Variants in LMTK3 observed in about 807,000 individuals in gnomAD.
The protein encoded by LMTK3 is serine/threonine-protein kinase LMTK3.
LMTK3 carries 27 observed loss-of-function variants against 116.7 expected under a neutral mutation model. That is an observed-to-expected ratio of 0.23 (90% confidence interval 0.17 to 0.32). The LOEUF (loss-of-function observed/expected upper bound fraction) is 0.32. Among genes scored for constraint, LMTK3 ranks in the 10% least tolerant of loss-of-function variants. The probability of loss-of-function intolerance (pLI) is 1.00; values close to 1 mark genes in which losing one functional copy is unlikely to be tolerated. For missense variants in LMTK3, 1,764 were observed against 2,068.5 expected (o/e 0.85, Z 2.86); for synonymous variants, 965 against 971.0 (o/e 0.99, Z 0.11).
chr19:48,513,206 C>T (rs1222467173), upstream of LMTK3: 1 of 1,563,252 alleles, frequency 6.4e-7, no homozygotes. This position sits in a 1 kb window ranked among gnomAD's most constrained non-coding sequence, Gnocchi z 5.6. Context: ...GATACATGAT[C>T]ATAGTTTATT....
At chr19:48,507,966 C>A (rs1972597458) in intron 5 of LMTK3, among the ~76,000 whole-genome samples, 1 of 152,126 alleles carries the variant, frequency 6.6e-6, no homozygotes, top group South Asian at 2.1e-4. Flanking sequence ...GGGAAGATGT[C>A]TCTGAGCTGA....
intron 14 of LMTK3, among the ~76,000 whole-genome samples, chr19:48,486,261 G>A (rs7256813): frequency 0.74 from 109,384 of 148,742 alleles, 41,962 homozygotes; most frequent in Non-Finnish European, 0.85. Context: ...GGGTTTCACC[G>A]TTTTAGCCGG....
chr19:48,501,897 C>T (rs1972474443), intron 7 of LMTK3, among the ~76,000 whole-genome samples: 1 of 149,518 alleles, frequency 6.7e-6, no homozygotes, highest in African/African-American at 2.5e-5. Flanking sequence ...CTGCTTCCCC[C>T]TCACCTGGCT....
Position 48,491,453 on chromosome 19 carries a change from G to A in LMTK3, c.4179C>T (p.Pro1393=). The A allele has an allele frequency of 1.4e-6, 2 of 1,425,892 alleles. No individual in the cohort carries two copies. The highest frequency in any genetic ancestry group is 1.8e-6 in the Non-Finnish European group (2 of 1,089,252). The allele number at this position is 1,425,892 out of a possible 1,614,324, so 88.3% of individuals were successfully genotyped here. Residue 1393 remains proline, a synonymous_variant, in exon 13 of 15, where the codon CCC becomes CCT. Coordinates refer to ENST00000600059, the MANE Select transcript of LMTK3 (RefSeq NM_001388485.1). This position sits in a 1 kb window ranked among gnomAD's most constrained non-coding sequence, Gnocchi z 5.1. ...PSTPPAPPTP[P]HPATPGDGFP... is the part of the protein sequence containing the mutation. ...ACCCATCTCCGGGGGTGGCGGGGTG[G>A]GGAGGTGTCGGGGGCGCTGGAGGCG...
At position 48,500,897 on chromosome 19, in the gene LMTK3, G is replaced by T; in HGVS notation, c.1151+99C>A. On this transcript the variant is annotated intron_variant, in intron 10 of 14. Transcript: ENST00000600059. The surrounding 1 kb of genome is among the most constrained non-coding windows in gnomAD (Gnocchi z 4.0). ...TCTTCACTCTTGAGGGGTATGGAGG[G>T]CAAACGGGATGTGGGTGATGTGGGA... The T allele has an allele frequency of 4.0e-6, 5 of 1,246,676 alleles. No individual in the cohort carries two copies. Among genetic ancestry groups the T allele is most frequent in the Non-Finnish European group, 5.4e-6 (5 of 923,542 alleles). The allele number at this position is 1,246,676 out of a possible 1,614,324, so 77.2% of individuals were successfully genotyped here. A position where few individuals can be genotyped will look rare whatever the true frequency, so the allele number is the denominator to read the frequency against.
At chr19:48,509,087 A>G (rs1237457471) in intron 4 of LMTK3, 118 bp from the exon 5 acceptor site, 15 of 662,462 alleles carry the variant, frequency 2.3e-5, no homozygotes, top group Non-Finnish European at 3.4e-5. Context: ...TTCTCCCTCC[A>G]CATCCCACCA....
rs1037547549 is a variant in LMTK3 at position 48,485,372 on chromosome 19, G to A, written c.*401C>T. The A allele has an allele frequency of 1.1e-5, 2 of 183,810 alleles. No homozygotes were observed. Among genetic ancestry groups the A allele is most frequent in the African/African-American group, 4.7e-5 (2 of 42,498 alleles). The allele number at this position is 183,810 out of a possible 1,614,324, so 11.4% of individuals were successfully genotyped here. On this transcript the variant is annotated 3_prime_UTR_variant, in exon 15 of 15. Coordinates refer to ENST00000600059, the MANE Select transcript of LMTK3 (RefSeq NM_001388485.1). ...CAGGGGCCGGGCTGGGGAGGGAAAGGGGAGACGCGAAATGGGGGGTCCGGG... is the reference window on the plus strand; with the variant it reads ...CAGGGGCCGGGCTGGGGAGGGAAAGAGGAGACGCGAAATGGGGGGTCCGGG...
chr19:48,511,301 C>T (rs1258870649), intron 1 of LMTK3, among the ~76,000 whole-genome samples, 200 bp downstream of exon 1: 1 of 152,210 alleles, frequency 6.6e-6, no homozygotes, highest in Non-Finnish European at 1.5e-5. Context: ...AAACGGAGCC[C>T]CCTCCCCACC....
intron 14 of LMTK3, among the ~76,000 whole-genome samples, chr19:48,490,271 C>A (rs113164678): frequency 6.8e-4 from 104 of 152,198 alleles, no homozygotes; most frequent in Non-Finnish European, 8.4e-4. Flanking sequence ...CGCCTGTAAT[C>A]CCAGCACTTT....
chr19:48,497,792 G>A lies in LMTK3; in HGVS notation c.3277C>T (p.Pro1093Ser). The A allele has an allele frequency of 7.3e-7, 1 of 1,375,418 alleles. No homozygotes were observed. The highest frequency in any genetic ancestry group is 2.9e-5 in the East Asian group (1 of 34,840). The allele number at this position is 1,375,418 out of a possible 1,614,324, so 85.2% of individuals were successfully genotyped here. A position where few individuals can be genotyped will look rare whatever the true frequency, so the allele number is the denominator to read the frequency against. Residue 1093 changes from proline (P) to serine (S), a missense_variant, in exon 11 of 15, where the codon CCC becomes TCC. By Grantham distance (74) the Pro-to-Ser change is moderately conservative. Coordinates refer to ENST00000600059, the MANE Select transcript of LMTK3 (RefSeq NM_001388485.1). This position sits in a 1 kb window ranked among gnomAD's most constrained non-coding sequence, Gnocchi z 5.7. ...GCTCTCGGCGCCCCCCCAGTCTCGG[G>A]GGCTCTCCTCTCGGTCCCGGGTTCC... ...TLEPGTERRA[P>S]ETGGAPRAPG...
In LMTK3 at chr19:48,491,438, G is replaced by A. The variant is rs1972222529; in HGVS notation, c.4194C>T (p.Pro1398=). Residue 1398 remains proline (P), a synonymous_variant, in exon 13 of 15, where the codon CCC becomes CCT. Coordinates refer to ENST00000600059, the MANE Select transcript of LMTK3 (RefSeq NM_001388485.1). The surrounding 1 kb of genome is among the most constrained non-coding windows in gnomAD (Gnocchi z 5.1). ...TGTCGTTGCTGGGAAACCCATCTCC[G>A]GGGGTGGCGGGGTGGGGAGGTGTCG... is the stretch of plus-strand genomic sequence containing the variant. ...APPTPPHPAT[P]GDGFPSNDSG... 9 of 1,421,090 alleles carry A rather than the reference G, an allele frequency of 6.3e-6. No homozygotes were observed. Among genetic ancestry groups the A allele is most frequent in the Non-Finnish European group, 8.3e-6 (9 of 1,086,186 alleles). 88.0% of individuals were successfully genotyped at this position (1,421,090 alleles called of 1,614,324 possible).
At chr19:48,501,776 T>C (rs1242546350) in intron 7 of LMTK3, among the ~76,000 whole-genome samples, 1 of 151,444 alleles carries the variant, frequency 6.6e-6, no homozygotes, top group African/African-American at 2.4e-5. Context: ...TCTCCTCTCC[T>C]TTTCCTCTGC....
Position 48,491,258 on chromosome 19 carries a change from GA to G in LMTK3, c.4229-14del. On this transcript the variant is annotated splice_polypyrimidine_tract_variant and intron_variant, in intron 13 of 14. Coordinates refer to ENST00000600059, the MANE Select transcript of LMTK3 (RefSeq NM_001388485.1). The surrounding 1 kb of genome is among the most constrained non-coding windows in gnomAD (Gnocchi z 5.1). ...TCGAAACTGCCTCCTGCGGCAGAAGGAAAGACCGCGGTCAGGCTGCAGACAC... is the reference window on the plus strand; with the variant it reads ...TCGAAACTGCCTCCTGCGGCAGAAGGAAGACCGCGGTCAGGCTGCAGACAC... 7.2e-7 allele frequency: 1 copy of G among 1,395,238 alleles called. No individual in the cohort carries two copies. Among genetic ancestry groups the G allele is most frequent in the East Asian group, 2.9e-5 (1 of 34,370 alleles). The allele number at this position is 1,395,238 out of a possible 1,614,324, so 86.4% of individuals were successfully genotyped here. A position where few individuals can be genotyped will look rare whatever the true frequency, so the allele number is the denominator to read the frequency against.
chr19:48,513,198 T>C (rs374809307), upstream of LMTK3: 106 of 1,581,880 alleles, frequency 6.7e-5, no homozygotes, highest in Non-Finnish European at 8.5e-5. The surrounding 1 kb of genome is among the most constrained non-coding windows in gnomAD (Gnocchi z 5.6). Flanking sequence ...ATACAAAAGA[T>C]ACATGATCAT....
intron 12 of LMTK3, among the ~76,000 whole-genome samples, chr19:48,493,074 G>T (rs1194179657): frequency 1.4e-5 from 2 of 147,174 alleles, no homozygotes; most frequent in African/African-American, 2.5e-5. Flanking sequence ...CCTAGGCTCC[G>T]CCCCCATTCC....
At chr19:48,502,316 TC>T in intron 7 of LMTK3, 116 bp downstream of exon 7, 2 of 1,253,448 alleles carry the variant, frequency 1.6e-6, no homozygotes, top group South Asian at 1.5e-5. Context: ...CCTCGGTTCG[TC>T]CCTATTTTGT....
intron 14 of LMTK3, among the ~76,000 whole-genome samples, chr19:48,486,278 C>G (rs1972123858): frequency 1.3e-5 from 2 of 150,842 alleles, no homozygotes; most frequent in South Asian, 4.2e-4. Context: ...CCGGGATGGT[C>G]TCGACCTCCT....
Position 48,491,492 on chromosome 19 carries a change from G to A in LMTK3, c.4140C>T (p.Asp1380=). The part of the protein sequence containing the change: ...ELSVQAPPEG[D]TDPSTPPAPP... ...GCGCTGGAGGCGTTGACGGGTCCGT[G>A]TCCCCCTCGGGGGGGGCCTGGACGC... The change falls in exon 13 of 15, where the codon GAC becomes GAT. Residue 1380 remains aspartate (D), a synonymous_variant. Transcript: ENST00000600059. This position sits in a 1 kb window ranked among gnomAD's most constrained non-coding sequence, Gnocchi z 5.1. 7.1e-7 allele frequency: 1 copy of A among 1,409,904 alleles called. No homozygotes were observed. Among genetic ancestry groups the A allele is most frequent in the Non-Finnish European group, 9.3e-7 (1 of 1,080,096 alleles). The allele number at this position is 1,409,904 out of a possible 1,614,324, so 87.3% of individuals were successfully genotyped here. A position where few individuals can be genotyped will look rare whatever the true frequency, so the allele number is the denominator to read the frequency against.
intron 7 of LMTK3, 41 bp downstream of exon 7, chr19:48,502,392 T>G: frequency 6.3e-7 from 1 of 1,594,664 alleles, no homozygotes; most frequent in South Asian, 1.1e-5. Flanking sequence ...CCTTCCCCCT[T>G]CCCCTTAGTA....
Sources: allele counts gnomAD v4.1 joint callset (sites outside exome capture counted in the v4.1 genomes callset), GRCh38; gene constraint gnomAD v4.1.1; non-coding constraint Gnocchi (gnomAD v3.1); transcripts MANE v1.5; gene names NCBI Gene and HGNC (gene_info 2026-07-23, HGNC 2026-07-21).